Variants in CDH13 observed in about 807,000 individuals in gnomAD.
The protein encoded by CDH13 is cadherin-13.
CDH13 carries 24 observed loss-of-function variants against 63.8 expected under a neutral mutation model. The ratio of observed to expected loss-of-function variants is 0.38; its 90% confidence interval spans 0.27 to 0.53. The LOEUF is 0.53. Ranked by LOEUF, CDH13 falls within the 20% of genes least tolerant of loss-of-function variation. CDH13 has a pLI of 0.85. For missense variants in CDH13, 1,049 were observed against 903.1 expected, an observed-to-expected ratio of 1.16 and a Z score of -2.07; for synonymous variants, 503 against 355.3, an observed-to-expected ratio of 1.42 and a Z score of -4.67.
intron 7 of CDH13, among the ~76,000 whole-genome samples, chr16:83,528,660 C>G (rs2075015624): frequency 6.6e-6 from 1 of 152,234 alleles, no homozygotes; most frequent in African/African-American, 2.4e-5. Context: ...AATTTCCCAA[C>G]TATCTCCATC....
At chr16:83,388,364 G>T (rs948555746) in intron 6 of CDH13, among the ~76,000 whole-genome samples, 1 of 151,942 alleles carries the variant, frequency 6.6e-6, no homozygotes, top group African/African-American at 2.4e-5. Flanking sequence ...GAGGTGGGAG[G>T]ATCGCTTGGG....
At chr16:83,724,615 G>A (rs904966351) in intron 10 of CDH13, among the ~76,000 whole-genome samples, 3 of 152,156 alleles carry the variant, frequency 2.0e-5, no homozygotes, top group Non-Finnish European at 4.4e-5. Flanking sequence ...TGGAGGAAGC[G>A]TCTTACTTGA....
At chr16:83,023,083 C>T (rs182763454) in intron 2 of CDH13, 1 of 152,260 alleles carries the variant, frequency 6.6e-6, no homozygotes, top group African/African-American at 2.4e-5. Context: ...AATGGAAAAG[C>T]ATAAAATCAA....
chr16:83,165,889 G>T (rs7193049), intron 4 of CDH13, among the ~76,000 whole-genome samples: 1 of 151,906 alleles, frequency 6.6e-6, no homozygotes, highest in South Asian at 2.1e-4. Flanking sequence ...CAATCGCTCT[G>T]TAGGACCCAG....
intron 1 of CDH13, among the ~76,000 whole-genome samples, chr16:82,632,909 A>ACT (rs1908191856): frequency 6.6e-6 from 1 of 151,818 alleles, no homozygotes; most frequent in Non-Finnish European, 1.5e-5. Context: ...CAGGCATTAG[A>ACT]CTCTCATAAG....
chr16:83,594,049 C>T (rs965358144), intron 7 of CDH13, among the ~76,000 whole-genome samples: 7 of 152,206 alleles, frequency 4.6e-5, no homozygotes, highest in Non-Finnish European at 7.3e-5. Flanking sequence ...CACAGAGCTA[C>T]AAGCAATGTG....
intron 3 of CDH13, among the ~76,000 whole-genome samples, chr16:83,104,858 G>C (rs976386428): frequency 1.3e-5 from 2 of 152,134 alleles, no homozygotes; most frequent in Non-Finnish European, 2.9e-5. Context: ...GGAGAAATAA[G>C]GATCTGAAAA....
At chr16:83,201,388 G>GA (rs777654843) in intron 4 of CDH13, among the ~76,000 whole-genome samples, 9 of 152,116 alleles carry the variant, frequency 5.9e-5, no homozygotes, top group African/African-American at 1.9e-4. Context: ...ATGCTGGAAG[G>GA]AAAGGCACTA....
chr16:83,659,300 C>T (rs1264986735), intron 8 of CDH13, among the ~76,000 whole-genome samples: 1 of 151,286 alleles, frequency 6.6e-6, no homozygotes. Context: ...CCACCAGGTC[C>T]CGTATCCTCA....
At position 83,353,640 on chromosome 16, in the gene CDH13, G is replaced by T. The variant is rs2091000975; in HGVS notation, c.781+8634G>T. 2.0e-5 allele frequency among the ~76,000 whole-genome samples: 3 copies of T among 152,264 alleles called. No individual in the cohort carries two copies. The South Asian group carries it at 6.2e-4, about 32-fold the overall frequency. On this transcript the variant is annotated intron_variant, in intron 6 of 13. Coordinates refer to ENST00000567109, the MANE Select transcript of CDH13 (RefSeq NM_001257.5). ...CCTAAATTCACACATGCATCTCTGG[G>T]GCTGGAGATCAGCTCAAGAGATGGA...
At chr16:83,256,725 G>A (rs1302235990) in intron 5 of CDH13, among the ~76,000 whole-genome samples, 1 of 149,416 alleles carries the variant, frequency 6.7e-6, no homozygotes, top group African/African-American at 2.5e-5. Flanking sequence ...GCTGCCTGTA[G>A]TCCCAGCTAC....
chr16:82,888,036 A>T (rs144918453), intron 2 of CDH13, among the ~76,000 whole-genome samples: 1 of 152,026 alleles, frequency 6.6e-6, no homozygotes, highest in Non-Finnish European at 1.5e-5. Context: ...GCTGTATGTC[A>T]GGTATTTACT....
At chr16:82,631,728 G>C (rs536673993) in intron 1 of CDH13, among the ~76,000 whole-genome samples, 2 of 152,344 alleles carry the variant, frequency 1.3e-5, no homozygotes, top group African/African-American at 4.8e-5. Flanking sequence ...CCTTATTCTA[G>C]AGTTAGGGTG....
At chr16:82,803,406 A>T (rs575476868) in intron 1 of CDH13, among the ~76,000 whole-genome samples, 1 of 152,314 alleles carries the variant, frequency 6.6e-6, no homozygotes, top group South Asian at 2.1e-4. Flanking sequence ...CTTTCTTAGC[A>T]TGCGAGGCTC....
At chr16:83,548,458 C>T (rs889491377) in intron 7 of CDH13, among the ~76,000 whole-genome samples, 13 of 152,156 alleles carry the variant, frequency 8.5e-5, no homozygotes, top group African/African-American at 2.9e-4. Context: ...GCCCCAGTGT[C>T]CGTAGCGCAG....
intron 6 of CDH13, among the ~76,000 whole-genome samples, chr16:83,382,177 A>G (rs1048014578): frequency 1.3e-5 from 2 of 152,146 alleles, no homozygotes; most frequent in African/African-American, 4.8e-5. Context: ...CACCATAGGG[A>G]TGATTTGAGG....
chr16:83,176,736 C>T (rs577327630), intron 4 of CDH13, among the ~76,000 whole-genome samples: 7 of 151,992 alleles, frequency 4.6e-5, no homozygotes, highest in South Asian at 2.1e-4. Context: ...TTAAAGTTTG[C>T]GATAAAAGTC....
rs1029145068 is a variant in CDH13 at position 82,901,881 on chromosome 16, A to G, written c.157+43408A>G. On this transcript the variant is annotated intron_variant, in intron 2 of 13. Transcript: ENST00000567109. ...CACCATTTCCATGCCTTCCATCAGT[A>G]GAGCAGATTCTCTGTGCAGATACTT... Among the ~76,000 whole-genome samples, 6 of 152,226 alleles carry G rather than the reference A, an allele frequency of 3.9e-5. 1 individual carries two copies. The East Asian group carries it at 7.7e-4, about 20-fold the overall frequency.
intron 6 of CDH13, among the ~76,000 whole-genome samples, chr16:83,352,814 CG>C (rs2090982174): frequency 6.6e-6 from 1 of 152,104 alleles, no homozygotes; most frequent in African/African-American, 2.4e-5. Context: ...GGCATGAACC[CG>C]GGAGGCGGAG....
Sources: gnomAD v4.1 joint callset for allele counts (sites outside exome capture counted in the v4.1 genomes callset) on GRCh38, gnomAD v4.1.1 for gene constraint, MANE v1.5 for transcripts, NCBI Gene and HGNC (gene_info 2026-07-23, HGNC 2026-07-21) for gene names.